Variants in MACROH2A2 observed in about 807,000 individuals in gnomAD.
The protein encoded by MACROH2A2 is core histone macro-H2A.2.
MACROH2A2 carries 6 observed loss-of-function variants against 37.6 expected under a neutral mutation model. The observed-to-expected ratio is 0.16, with a 90% CI of 0.09 to 0.32. The LOEUF is 0.32. MACROH2A2 is among the 10% of genes least tolerant of loss of function. The pLI is 1.00. For synonymous variants in MACROH2A2, 192 were observed against 202.7 expected, an observed-to-expected ratio of 0.95 and a Z score of 0.45; for missense variants, 290 against 485.9, an observed-to-expected ratio of 0.60 and a Z score of 3.79.
intron 2 of MACROH2A2, among the ~76,000 whole-genome samples, chr10:70,089,510 C>G (rs761196743): frequency 6.6e-6 from 1 of 152,174 alleles, no homozygotes; most frequent in Non-Finnish European, 1.5e-5. Context: ...CCAGAAAACA[C>G]AATGGCTTGC....
chr10:70,056,641 G>C (rs1341252580), intron 1 of MACROH2A2, among the ~76,000 whole-genome samples: 1 of 152,200 alleles, frequency 6.6e-6, no homozygotes, highest in Non-Finnish European at 1.5e-5. Context: ...GCTTCATAGA[G>C]AACGTGGCAG....
rs181422854 is a variant in MACROH2A2, at chr10:70,086,573, A to G, written c.173-3487A>G. ...CTTCATGGGCTTCCTGAAGACTCCA[A>G]ATATGTAGTGCTTCCCATGGCCCTG... On this transcript the variant is annotated intron_variant, in intron 2 of 8. Coordinates refer to ENST00000373255, the MANE Select transcript of MACROH2A2 (RefSeq NM_018649.3). Among the ~76,000 whole-genome samples, 188 of 152,288 alleles carry G rather than the reference A, an allele frequency of 1.2e-3. 2 individuals carry two copies. The highest frequency in any genetic ancestry group is 4.3e-3 in the African/African-American group (178 of 41,564).
chr10:70,066,818 GCA>G (rs2072081726), intron 1 of MACROH2A2, among the ~76,000 whole-genome samples: 1 of 152,158 alleles, frequency 6.6e-6, no homozygotes, highest in Non-Finnish European at 1.5e-5. Flanking sequence ...GTCGCCACAA[GCA>G]CACCTTCCCA....
chr10:70,087,421 C>A (rs552501755), intron 2 of MACROH2A2, among the ~76,000 whole-genome samples: 1 of 151,802 alleles, frequency 6.6e-6, no homozygotes, highest in African/African-American at 2.4e-5. Flanking sequence ...TTAGTAGAGA[C>A]GGGGTTTCAC....
intron 7 of MACROH2A2, among the ~76,000 whole-genome samples, chr10:70,105,704 C>T (rs2072333539): frequency 7.1e-6 from 1 of 141,158 alleles, no homozygotes; most frequent in South Asian, 2.2e-4. Flanking sequence ...GGCTGGGGCC[C>T]GAAGACCATC....
intron 2 of MACROH2A2, among the ~76,000 whole-genome samples, chr10:70,086,593 GC>G (rs1178465431): frequency 3.3e-5 from 5 of 152,164 alleles, no homozygotes; most frequent in Non-Finnish European, 7.3e-5. Context: ...GCTTCCCATG[GC>G]CCTGCCTCTT....
At chr10:70,082,439 AAAAGAAAG>A (rs561257617) in intron 2 of MACROH2A2, among the ~76,000 whole-genome samples, 1 of 151,970 alleles carries the variant, frequency 6.6e-6, no homozygotes, top group African/African-American at 2.4e-5. Context: ...AAGAAAAAAG[AAAAGAAAG>A]AAAGAAAGAG....
intron 1 of MACROH2A2, among the ~76,000 whole-genome samples, chr10:70,057,905 G>T (rs1009804901): frequency 4.6e-5 from 7 of 152,102 alleles, no homozygotes; most frequent in Admixed American, 2.0e-4. Flanking sequence ...AAAACGAAAT[G>T]GTGGGGGGAT....
chr10:70,087,279 G>A (rs1407446148), intron 2 of MACROH2A2, among the ~76,000 whole-genome samples: 2 of 150,626 alleles, frequency 1.3e-5, no homozygotes, highest in African/African-American at 4.9e-5. Flanking sequence ...TGTCACCCAG[G>A]CTGGAGTGCG....
rs200578327 is a variant in MACROH2A2, at chr10:70,091,911, G to T, written c.434G>T (p.Gly145Val). ...RGRKATSGKK[G>V]GKKSKAAKPR... Reference sequence around the variant, plus strand: ...AGGAAGGCCACGTCAGGCAAGAAGGGGGGGAAGAAATCCAAGGCTGCCAAA... The same window carrying T: ...AGGAAGGCCACGTCAGGCAAGAAGGTGGGGAAGAAATCCAAGGCTGCCAAA... Residue 145 changes from glycine to valine, a missense_variant, in exon 4 of 9, where the codon GGG becomes GTG. Around this residue, in one of 3 missense-constraint regions of MACROH2A2, gnomAD observed 77 missense variants for 68.9 expected, o/e 1.12. Transcript: ENST00000373255. The T allele has an allele frequency of 1.7e-5, 27 of 1,613,960 alleles. No individual in the cohort carries two copies. Among genetic ancestry groups the T allele is most frequent in the African/African-American group, 2.7e-5 (2 of 74,926 alleles).
chr10:70,078,519 A>G (rs530575427), intron 2 of MACROH2A2, among the ~76,000 whole-genome samples: 1 of 152,260 alleles, frequency 6.6e-6, no homozygotes, highest in East Asian at 1.9e-4. Context: ...TCCAATCGGG[A>G]TGACTCATTG....
At chr10:70,079,759 C>T (rs2072164511) in intron 2 of MACROH2A2, among the ~76,000 whole-genome samples, 1 of 152,042 alleles carries the variant, frequency 6.6e-6, no homozygotes, top group Admixed American at 6.6e-5. Context: ...TGGCCAGGAC[C>T]AAGGGTGCAC....
intron 1 of MACROH2A2, among the ~76,000 whole-genome samples, chr10:70,073,244 G>A (rs1010686078): frequency 1.3e-5 from 2 of 152,144 alleles, no homozygotes; most frequent in South Asian, 4.1e-4. Context: ...CCTGCGACAG[G>A]GCTGACTAAC....
intron 1 of MACROH2A2, among the ~76,000 whole-genome samples, chr10:70,071,798 A>G (rs1179436172): frequency 6.6e-6 from 1 of 152,240 alleles, no homozygotes; most frequent in Non-Finnish European, 1.5e-5. Context: ...AGTAAAATAC[A>G]GTATAAAATG....
chr10:70,086,024 G>A, intron 2 of MACROH2A2, among the ~76,000 whole-genome samples: 1 of 150,824 alleles, frequency 6.6e-6, no homozygotes, highest in South Asian at 2.1e-4. Context: ...TAGAGGCAGG[G>A]TCTCCTCTGT....
rs1389630322 is a variant in MACROH2A2 at position 70,075,188 on chromosome 10, A to T, written c.-59-412A>T. ...CAATTATGTTAGCCCCATCCAGATA[A>T]TCCAAGATAAACCTCCCCATCTCAA... On this transcript the variant is annotated intron_variant, in intron 1 of 8. Coordinates refer to ENST00000373255, the MANE Select transcript of MACROH2A2 (RefSeq NM_018649.3). This position sits in a 1 kb window ranked among gnomAD's most constrained non-coding sequence, Gnocchi z 5.0. Among the ~76,000 whole-genome samples, 1 of 152,072 alleles carries T rather than the reference A, an allele frequency of 6.6e-6. No individual in the cohort carries two copies. Among genetic ancestry groups the T allele is most frequent in the Non-Finnish European group, 1.5e-5 (1 of 68,008 alleles).
In MACROH2A2 at chr10:70,111,596, C is replaced by G; in HGVS notation, c.1032C>G (p.Ser344=). ...CCCACTTTGATGACTCGAGCGCGTC[C>G]TCGCTGAAGAACGTGTACTTCCTGC... ...ISAHFDDSSA[S]SLKNVYFLLF... is the part of the protein sequence containing the mutation. Residue 344 remains serine (S), a synonymous_variant, in exon 9 of 9, where the codon TCC becomes TCG. Coordinates refer to ENST00000373255, the MANE Select transcript of MACROH2A2 (RefSeq NM_018649.3). 1 of 1,613,804 alleles carries G rather than the reference C, an allele frequency of 6.2e-7. No homozygotes were observed. Among genetic ancestry groups the G allele is most frequent in the Non-Finnish European group, 8.5e-7 (1 of 1,179,836 alleles).
chr10:70,092,262 G>A (rs142244017), intron 4 of MACROH2A2, among the ~76,000 whole-genome samples: 164 of 152,174 alleles, frequency 1.1e-3, no homozygotes, highest in Non-Finnish European at 1.6e-3. Context: ...TCCTGCCTCC[G>A]GAACTATGAG....
chr10:70,071,205 TCA>T (rs1247625495), intron 1 of MACROH2A2, among the ~76,000 whole-genome samples: 1 of 152,148 alleles, frequency 6.6e-6, no homozygotes, highest in East Asian at 1.9e-4. Flanking sequence ...CACACCATAT[TCA>T]CAGAGCACGT....
Sources: gnomAD v4.1 joint callset for allele counts (sites outside exome capture counted in the v4.1 genomes callset) on GRCh38, gnomAD v4.1.1 for gene constraint, gnomAD v4.1.1 regional missense constraint, Gnocchi (gnomAD v3.1) non-coding constraint, MANE v1.5 for transcripts, NCBI Gene and HGNC (gene_info 2026-07-23, HGNC 2026-07-21) for gene names.